NRXN3: variants seen among roughly 807,000 people sequenced by gnomAD.
NRXN3 encodes the protein neurexin III.
Under a neutral mutation model 137.6 loss-of-function variants are expected in NRXN3, and 32 were observed. The ratio of observed to expected loss-of-function variants is 0.23; its 90% CI spans 0.18 to 0.31. The LOEUF (loss-of-function observed/expected upper bound fraction) is 0.31, where lower values mean the gene tolerates loss of function less well. NRXN3 is among the 10% of genes least tolerant of loss of function. The probability of loss-of-function intolerance (pLI) is 1.00; values close to 1 mark genes in which losing one functional copy is unlikely to be tolerated. For missense variants in NRXN3, 1,574 were observed against 2,062.5 expected (o/e 0.76, Z 4.59); for synonymous variants, 798 against 784.5 (o/e 1.02, Z -0.29).
intron 14 of NRXN3, among the ~76,000 whole-genome samples, chr14:78,974,858 A>T (rs188504155): frequency 6.6e-6 from 1 of 152,168 alleles, no homozygotes; most frequent in African/African-American, 2.4e-5. Context: ...GGTAGTGAAG[A>T]TATATGACAA....
At chr14:79,176,824 T>C (rs1044751056) in intron 15 of NRXN3, among the ~76,000 whole-genome samples, 8 of 152,242 alleles carry the variant, frequency 5.3e-5, no homozygotes, top group Non-Finnish European at 8.8e-5. Context: ...TTGATACTTA[T>C]CTGACTCTTC....
At chr14:78,329,756 A>T (rs1264573964) in intron 4 of NRXN3, among the ~76,000 whole-genome samples, 1 of 152,170 alleles carries the variant, frequency 6.6e-6, no homozygotes, top group Non-Finnish European at 1.5e-5. Context: ...TGGGATCAGC[A>T]CCTGGAAGCC....
At chr14:79,774,942 A>ATGTG (rs369365783) in intron 19 of NRXN3, among the ~76,000 whole-genome samples, 1 of 151,548 alleles carries the variant, frequency 6.6e-6, no homozygotes, top group South Asian at 2.1e-4. Flanking sequence ...TATATATAGT[A>ATGTG]TGTGTGTGTG....
chr14:78,885,564 T>C (rs2099141320), intron 10 of NRXN3, among the ~76,000 whole-genome samples: 1 of 152,112 alleles, frequency 6.6e-6, no homozygotes, highest in African/African-American at 2.4e-5. Context: ...GCAGTAACAG[T>C]CTACCAGTTG....
At chr14:79,026,276 G>T (rs1360897325) in intron 15 of NRXN3, among the ~76,000 whole-genome samples, 3 of 152,124 alleles carry the variant, frequency 2.0e-5, no homozygotes, top group African/African-American at 4.8e-5. Flanking sequence ...AGATTCAATT[G>T]TTACTGAATA....
chr14:79,086,092 A>G (rs2048036267), intron 15 of NRXN3, among the ~76,000 whole-genome samples: 1 of 152,178 alleles, frequency 6.6e-6, no homozygotes. Context: ...TCATGATTCT[A>G]ATACTATAAA....
Position 79,758,738 on chromosome 14 carries a change from G to T in NRXN3, c.4015-46374G>T, listed in dbSNP as rs1033070682. Among the ~76,000 whole-genome samples, 6 of 152,282 alleles carry T rather than the reference G, an allele frequency of 3.9e-5. No homozygotes were observed. In the East Asian group the frequency reaches 9.6e-4, roughly 24 times the overall value. ...ATCCAAAGAGAACCAGAGATAGTGT[G>T]GCTTAGTAGAAGGTAAACTGATTAT... On this transcript the variant is annotated intron_variant, in intron 19 of 20. Transcript: ENST00000335750.
At chr14:78,982,169 A>G (rs1380482474) in intron 14 of NRXN3, among the ~76,000 whole-genome samples, 2 of 152,210 alleles carry the variant, frequency 1.3e-5, no homozygotes, top group African/African-American at 4.8e-5. Context: ...TCTTATTGGT[A>G]AATTCTAGGG....
chr14:78,198,024 C>T (rs1252018488), intron 1 of NRXN3, among the ~76,000 whole-genome samples: 2 of 152,176 alleles, frequency 1.3e-5, no homozygotes, highest in African/African-American at 4.8e-5. Flanking sequence ...CCGAAGGGAT[C>T]TTTGCCCATC....
At chr14:78,692,848 A>T (rs1368046000) in intron 6 of NRXN3, among the ~76,000 whole-genome samples, 2 of 149,620 alleles carry the variant, frequency 1.3e-5, no homozygotes, top group East Asian at 3.9e-4. Context: ...TGGGAGGCCG[A>T]GGTGGGTGGA....
intron 15 of NRXN3, among the ~76,000 whole-genome samples, chr14:79,448,570 G>C (rs1312384635): frequency 6.6e-6 from 1 of 152,106 alleles, no homozygotes; most frequent in Non-Finnish European, 1.5e-5. Flanking sequence ...ATTATCTTTA[G>C]GCAGAGGATA....
At chr14:78,676,412 G>A (rs898556854) in intron 6 of NRXN3, among the ~76,000 whole-genome samples, 18 of 152,236 alleles carry the variant, frequency 1.2e-4, no homozygotes, top group Admixed American at 1.0e-3. Flanking sequence ...CTAGGTGGAA[G>A]ATCAAACCAG....
At chr14:79,166,151 G>A (rs533044274) in intron 15 of NRXN3, among the ~76,000 whole-genome samples, 38 of 152,056 alleles carry the variant, frequency 2.5e-4, no homozygotes, top group Middle Eastern at 3.4e-3. Flanking sequence ...CCTAAATAAT[G>A]TATAGCTGGA....
At chr14:78,990,181 A>G (rs999763301) in intron 15 of NRXN3, among the ~76,000 whole-genome samples, 21 of 152,176 alleles carry the variant, frequency 1.4e-4, no homozygotes, top group African/African-American at 4.6e-4. Flanking sequence ...ATCTAGGTTT[A>G]GGGCAATACA....
intron 4 of NRXN3, among the ~76,000 whole-genome samples, chr14:78,460,980 C>G (rs967129505): frequency 4.6e-5 from 7 of 152,124 alleles, no homozygotes; most frequent in Non-Finnish European, 1.0e-4. Context: ...GAAATCAGGC[C>G]TGTTGGCATA....
At chr14:78,574,140 A>G (rs2096914626) in intron 4 of NRXN3, among the ~76,000 whole-genome samples, 1 of 152,220 alleles carries the variant, frequency 6.6e-6, no homozygotes, top group South Asian at 2.1e-4. Context: ...TAGGTTTGGT[A>G]ACCTCCACCT....
At position 78,393,004 on chromosome 14, in the gene NRXN3, GA is replaced by G. The variant is rs202128077; in HGVS notation, c.757+95147del. Among the ~76,000 whole-genome samples the G allele has an allele frequency of 4.6e-5, 7 of 152,208 alleles. No homozygotes were observed. In the East Asian group the frequency reaches 1.2e-3, roughly 25 times the overall value. ...AAATTAGCTTTATCTTTCAGAATCCGAAAGCTGATGATGAGTTAGGAGAAAG... is the reference window on the plus strand; with the variant it reads ...AAATTAGCTTTATCTTTCAGAATCCGAAGCTGATGATGAGTTAGGAGAAAG... On this transcript the variant is annotated intron_variant, in intron 4 of 20. Coordinates refer to ENST00000335750, the MANE Select transcript of NRXN3 (RefSeq NM_001330195.2).
At chr14:79,315,595 G>A (rs936749499) in intron 15 of NRXN3, among the ~76,000 whole-genome samples, 1 of 152,112 alleles carries the variant, frequency 6.6e-6, no homozygotes, top group African/African-American at 2.4e-5. Context: ...GACAAAACAA[G>A]TACCAAAGTG....
At chr14:78,493,259 T>C (rs1315237871) in intron 4 of NRXN3, among the ~76,000 whole-genome samples, 1 of 151,606 alleles carries the variant, frequency 6.6e-6, no homozygotes, top group African/African-American at 2.4e-5. Context: ...TTGTGGCTCA[T>C]GCCTGTAATC....
Sources: gnomAD v4.1 joint callset for allele counts (sites outside exome capture counted in the v4.1 genomes callset) on GRCh38, gnomAD v4.1.1 for gene constraint, MANE v1.5 for transcripts, NCBI Gene and HGNC (gene_info 2026-07-23, HGNC 2026-07-21) for gene names.